GPHN: variants seen among roughly 807,000 people sequenced by gnomAD.
GPHN encodes the protein gephyrin.
Under a neutral mutation model 95.5 loss-of-function variants are expected in GPHN, and 17 were observed. The observed-to-expected ratio is 0.18, with a 90% CI of 0.12 to 0.27. The LOEUF is 0.27. Ranked by LOEUF, GPHN falls within the 10% of genes least tolerant of loss-of-function variation. The pLI is 1.00. For missense variants in GPHN, 660 were observed against 978.1 expected (o/e 0.67, Z 4.34); for synonymous variants, 320 against 322.5 (o/e 0.99, Z 0.08).
chr14:67,427,568 G>C, the GPHN span, among the ~76,000 whole-genome samples: 2 of 152,154 alleles, frequency 1.3e-5, no homozygotes, highest in Non-Finnish European at 2.9e-5. Context: ...CTACCCACCG[G>C]CTTCCCACGA....
intron 4 of GPHN, 102 bp downstream of exon 4, chr14:66,824,668 T>C (rs1238394911): frequency 3.1e-6 from 2 of 644,014 alleles, no homozygotes; most frequent in Non-Finnish European, 5.5e-6. Flanking sequence ...TTGCTAGGCA[T>C]AACAAATGAC....
At chr14:67,348,231 C>T in the GPHN span, among the ~76,000 whole-genome samples, 7 of 151,912 alleles carry the variant, frequency 4.6e-5, no homozygotes, top group East Asian at 2.0e-4. Context: ...TGCGCTACCA[C>T]GTCTGGCTTA....
chr14:67,017,445 C>G (rs1487667165), intron 9 of GPHN, among the ~76,000 whole-genome samples: 1 of 152,022 alleles, frequency 6.6e-6, no homozygotes, highest in Non-Finnish European at 1.5e-5. Flanking sequence ...AAACGGGTCC[C>G]TTTTTCTCCT....
chr14:67,074,003 AG>A (rs1177749916), intron 11 of GPHN, among the ~76,000 whole-genome samples: 2 of 152,178 alleles, frequency 1.3e-5, no homozygotes, highest in Non-Finnish European at 2.9e-5. Context: ...CAAGACCTGC[AG>A]TACACCAAAG....
At position 67,179,564 on chromosome 14, in the gene GPHN, A is replaced by G. The variant is rs56264248; in HGVS notation, c.2080-14A>G. On this transcript the variant is annotated splice_polypyrimidine_tract_variant and intron_variant, in intron 21 of 22. Transcript: ENST00000478722. ...GGTGACCAAGTTTGTTTTCTTTTCT[A>G]CTTTATTCTGTAGTTATCATGTGAT... 225 of 1,485,424 alleles carry G rather than the reference A, an allele frequency of 1.5e-4. 1 individual carries two copies. The African/African-American group carries it at 2.8e-3, about 18-fold the overall frequency. The allele number at this position is 1,485,424 out of a possible 1,614,324, so 92.0% of individuals were successfully genotyped here.
chr14:66,626,904 A>G (rs2063548946), intron 1 of GPHN, among the ~76,000 whole-genome samples: 1 of 152,046 alleles, frequency 6.6e-6, no homozygotes, highest in Non-Finnish European at 1.5e-5. Flanking sequence ...AAAACAGTGC[A>G]GTTATCATTT....
chr14:66,700,232 G>A (rs777215835), intron 2 of GPHN, among the ~76,000 whole-genome samples: 1 of 152,150 alleles, frequency 6.6e-6, no homozygotes, highest in South Asian at 2.1e-4. Context: ...TAGGGGAGGA[G>A]GTGAGAGATT....
At chr14:66,522,585 T>C (rs1474528121) in intron 1 of GPHN, among the ~76,000 whole-genome samples, 46 of 152,166 alleles carry the variant, frequency 3.0e-4, no homozygotes, top group Admixed American at 3.0e-3. Context: ...CTGAGTTCTG[T>C]TCAACACCTT....
the GPHN span, chr14:67,580,917 T>C: frequency 3.3e-6 from 5 of 1,532,014 alleles, no homozygotes; most frequent in African/African-American, 6.8e-5. Flanking sequence ...TTTTCTGACT[T>C]TCTTCTTTTG....
chr14:67,560,727 CTTTTTTTTTTT>C, the GPHN span, among the ~76,000 whole-genome samples: 1 of 126,430 alleles, frequency 7.9e-6, no homozygotes, highest in Non-Finnish European at 1.6e-5. Flanking sequence ...GAACATATAT[CTTTTTTTTTTT>C]TTTTTTTTTG....
At chr14:67,039,286 C>T (rs973612567) in intron 10 of GPHN, among the ~76,000 whole-genome samples, 2 of 152,142 alleles carry the variant, frequency 1.3e-5, no homozygotes, top group African/African-American at 4.8e-5. Context: ...GTTCTTCTCC[C>T]TTTTCTCATT....
chr14:67,359,779 T>C, the GPHN span: 2 of 1,529,512 alleles, frequency 1.3e-6, no homozygotes, highest in Non-Finnish European at 1.8e-6. Flanking sequence ...CCACAGTGTC[T>C]TCCTCTACGG....
the GPHN span, among the ~76,000 whole-genome samples, chr14:67,445,444 G>A: frequency 4.5e-4 from 68 of 152,096 alleles, no homozygotes; most frequent in African/African-American, 1.5e-3. Flanking sequence ...GAGAATTGAT[G>A]TGGAAAACTG....
chr14:67,263,199 A>T, the GPHN span, among the ~76,000 whole-genome samples: 1 of 152,188 alleles, frequency 6.6e-6, no homozygotes, highest in Non-Finnish European at 1.5e-5. Flanking sequence ...TTACTTCAGG[A>T]AATGTTATGT....
At chr14:66,924,060 C>T in intron 7 of GPHN, 134 bp from the exon 8 acceptor site, 1 of 680,788 alleles carries the variant, frequency 1.5e-6, no homozygotes. Context: ...CTGATTCTGT[C>T]ATTCTACATT....
At chr14:66,527,056 G>C (rs962783029) in intron 1 of GPHN, among the ~76,000 whole-genome samples, 6 of 152,168 alleles carry the variant, frequency 3.9e-5, no homozygotes, top group African/African-American at 1.4e-4. Flanking sequence ...AATGGTACCA[G>C]CTCCTCTTTG....
chr14:67,656,326 G>A, the GPHN span: 1 of 1,227,982 alleles, frequency 8.1e-7, no homozygotes, highest in Non-Finnish European at 1.1e-6. Context: ...ATACAGAACT[G>A]CTGTAGCTTT....
intron 9 of GPHN, among the ~76,000 whole-genome samples, chr14:67,008,662 A>G (rs973756579): frequency 5.9e-5 from 9 of 151,718 alleles, no homozygotes; most frequent in Admixed American, 4.6e-4. Context: ...CTCCCACCTC[A>G]GCTTCCCAGA....
the GPHN span, chr14:67,574,125 T>C: frequency 1.0e-5 from 9 of 862,274 alleles, no homozygotes; most frequent in Non-Finnish European, 1.6e-5. This position sits in a 1 kb window ranked among gnomAD's most constrained non-coding sequence, Gnocchi z 4.2. Context: ...GAGGGAGCAC[T>C]AGGGCAGGCA....
Sources: gnomAD v4.1 joint callset for allele counts (sites outside exome capture counted in the v4.1 genomes callset) on GRCh38, gnomAD v4.1.1 for gene constraint, Gnocchi (gnomAD v3.1) non-coding constraint, MANE v1.5 for transcripts, NCBI Gene and HGNC (gene_info 2026-07-23, HGNC 2026-07-21) for gene names.